ZNF185: variants seen among roughly 807,000 people sequenced by gnomAD.
ZNF185 encodes zinc finger protein 185.
In ZNF185, 56 loss-of-function variants were observed where a neutral mutation model predicts 58.6. That is an observed-to-expected ratio of 0.95 (90% CI 0.77 to 1.19). The LOEUF (loss-of-function observed/expected upper bound fraction) is 1.19. Among genes scored for constraint, ZNF185 ranks in the 50% most tolerant of loss-of-function variants. The pLI is 0.00. For missense variants in ZNF185, 627 were observed against 573.5 expected, an observed-to-expected ratio of 1.09 and a Z score of -0.95; for synonymous variants, 230 against 215.9, an observed-to-expected ratio of 1.07 and a Z score of -0.57.
chrX:152,914,383 TG>T, upstream of ZNF185: 1 of 746,918 alleles, frequency 1.3e-6, no homozygotes, highest in Non-Finnish European at 1.9e-6. Flanking sequence ...AGGACCCATA[TG>T]GTCACCTGCA....
chrX:152,935,527 C>T (rs372883731), intron 14 of ZNF185, among the ~76,000 whole-genome samples: 111 of 112,678 alleles, frequency 9.9e-4, no homozygotes, highest in African/African-American at 3.1e-3. Context: ...TGAGCCATCG[C>T]GTCCTGCCTT....
intron 14 of ZNF185, 59 bp from the exon 17 acceptor site, chrX:152,938,015 A>C: frequency 9.1e-7 from 1 of 1,098,174 alleles, no homozygotes; most frequent in South Asian, 2.0e-5. Flanking sequence ...GAGGGGGAAG[A>C]CCTGGGCCCC....
At chrX:152,959,672 C>G in intron 16 of ZNF185, 27 bp from the exon 19 acceptor site, 1 of 1,197,529 alleles carries the variant, frequency 8.4e-7, no homozygotes, top group Non-Finnish European at 1.1e-6. Context: ...AGGGCACTCA[C>G]TTCATAAGGG....
At chrX:152,911,704 T>TCCATC (rs60082394), upstream of ZNF185, among the ~76,000 whole-genome samples, 11 of 16,488 alleles carry the variant, frequency 6.7e-4, no homozygotes, top group East Asian at 1.9e-3. Context: ...TCCCATCCCA[T>TCCATC]CCATCCCATC....
In ZNF185 at chrX:152,914,725, C is replaced by T. The variant is rs1938024405; in HGVS notation, c.50C>T (p.Pro17Leu). The change falls in exon 2 of 23, where the codon CCA becomes CTA. Residue 17 changes from proline (P) to leucine (L), a missense_variant. Pro to Leu is a moderately conservative substitution (Grantham distance 98, BLOSUM62 -3). Coordinates refer to ENST00000449285, the Ensembl canonical transcript of ZNF185. ...CCCACCACAGGGAAGCCTCTGCCAC[C>T]AGGCGAGGAGGAGCGCAATAACGTT... The T allele has an allele frequency of 2.5e-6, 3 of 1,196,894 alleles. No individual in the cohort carries two copies. Among genetic ancestry groups the T allele is most frequent in the Admixed American group, 2.3e-5 (1 of 44,271 alleles).
At chrX:152,966,404 T>C (rs5924779) in intron 19 of ZNF185, among the ~76,000 whole-genome samples, 34,883 of 110,313 alleles carry the variant, frequency 0.32, 4,033 homozygotes, top group South Asian at 0.39. Flanking sequence ...GTCATCTCAC[T>C]GGAGGATTTT....
chrX:152,936,356 G>C (rs923272128), intron 14 of ZNF185, 62 bp from the exon 16 acceptor site: 1 of 1,003,285 alleles, frequency 1.0e-6, no homozygotes, highest in Non-Finnish European at 1.4e-6. Flanking sequence ...ACTTTCTCGG[G>C]AGAGGGTAGA....
At chrX:152,916,063 C>T (rs1344573321) in intron 3 of ZNF185, among the ~76,000 whole-genome samples, 1 of 112,010 alleles carries the variant, frequency 8.9e-6, no homozygotes, top group African/African-American at 3.2e-5. Context: ...AGACAAAGGC[C>T]CTGTCTTTGG....
intron 15 of ZNF185, among the ~76,000 whole-genome samples, chrX:152,939,474 A>C (rs1267805504): frequency 8.9e-6 from 1 of 112,023 alleles, no homozygotes; most frequent in Non-Finnish European, 1.9e-5. Context: ...CTCTAAGAAA[A>C]TCCTCAGGAG....
chrX:152,965,475 G>A lies in ZNF185; in HGVS notation c.1747G>A (p.Val583Met), dbSNP rs190679591. Residue 583 changes from valine (V) to methionine (M), a missense_variant, in exon 19 of 23, where the codon GTG becomes ATG. Val to Met is a conservative substitution (Grantham distance 21). Transcript: ENST00000449285. ...AGGGATTCTCTTCGTGAAGGAGTAC[G>A]TGAATGCTAGTGAAGTGTCTTCTGG... The A allele has an allele frequency of 1.6e-4, 187 of 1,185,298 alleles. No homozygotes were observed. The African/African-American group carries it at 3.0e-3, about 19-fold the overall frequency.
upstream of ZNF185, chrX:152,914,338 T>C: frequency 2.0e-6 from 1 of 504,567 alleles, no homozygotes; most frequent in East Asian, 3.8e-5. Context: ...CCACCCCCGA[T>C]GTGCAGAGGG....
exon 23 of ZNF185, chrX:152,971,466 G>A (rs1556919209): frequency 8.9e-6 from 1 of 111,957 alleles, no homozygotes; most frequent in African/African-American, 3.2e-5. Flanking sequence ...TATGATAATT[G>A]CTTGTGTGTG....
intron 15 of ZNF185, among the ~76,000 whole-genome samples, chrX:152,940,585 T>C (rs1603270556): frequency 1.8e-5 from 2 of 111,190 alleles, no homozygotes; most frequent in Middle Eastern, 9.1e-3. Flanking sequence ...CTTATATAGG[T>C]GAAGTCTCAT....
rs782361001 is a variant in ZNF185 at position 152,932,916 on chromosome X, A to C, written c.1066A>C (p.Thr356Pro). Residue 356 changes from threonine to proline, a missense_variant, in exon 14 of 23, where the codon ACG (threonine) becomes CCG (proline). Thr to Pro is a conservative substitution (Grantham distance 38, BLOSUM62 -1). Coordinates refer to ENST00000449285, the Ensembl canonical transcript of ZNF185. ...TGATGGCAATGTGGGATCCGGAGCC[A>C]CGGGCTCCCGGCCTGAAGGCTTGGC... The C allele has an allele frequency of 4.6e-5, 56 of 1,206,099 alleles. No homozygotes were observed. The highest frequency in any genetic ancestry group is 5.9e-5 in the Non-Finnish European group (53 of 892,340).
Position 152,960,481 on chromosome X carries a change from C to A in ZNF185, c.1607+585C>A, listed in dbSNP as rs180695446. 7.1e-5 allele frequency among the ~76,000 whole-genome samples: 8 copies of A among 112,221 alleles called. No homozygotes were observed. In the East Asian group the frequency reaches 2.0e-3, roughly 28 times the overall value. ...GAACAGCCAGGTACTAGGGAACAGA[C>A]AACACCAGATGCTTGTGCTTTTCTG... On this transcript the variant is annotated intron_variant, in intron 17 of 22. Coordinates refer to ENST00000449285, the Ensembl canonical transcript of ZNF185.
At chrX:152,938,904 TCTAAA>T (rs1300968151) in intron 15 of ZNF185, among the ~76,000 whole-genome samples, 1 of 83,451 alleles carries the variant, frequency 1.2e-5, no homozygotes, top group Non-Finnish European at 2.3e-5. Flanking sequence ...GGCGATCTCC[TCTAAA>T]GAGGAGAAGG....
intron 11 of ZNF185, among the ~76,000 whole-genome samples, chrX:152,925,883 C>T (rs1483941731): frequency 8.9e-6 from 1 of 112,642 alleles, no homozygotes; most frequent in South Asian, 3.6e-4. Context: ...ACCCCCTGCC[C>T]TGCCCTGTTT....
intron 12 of ZNF185, 57 bp from the exon 14 acceptor site, chrX:152,931,615 C>T: frequency 1.9e-6 from 2 of 1,049,393 alleles, no homozygotes; most frequent in Non-Finnish European, 2.6e-6. Context: ...AGGTAACAGC[C>T]CACACCTGAG....
chrX:152,904,996 G>A, the ZNF185 span, among the ~76,000 whole-genome samples: 1 of 112,607 alleles, frequency 8.9e-6, no homozygotes, highest in Non-Finnish European at 1.9e-5. Context: ...GGTCAGGGAG[G>A]GTGAGTGACG....
Sources: allele counts gnomAD v4.1 joint callset (sites outside exome capture counted in the v4.1 genomes callset), GRCh38; gene constraint gnomAD v4.1.1; transcripts MANE v1.5; gene names NCBI Gene and HGNC (gene_info 2026-07-23, HGNC 2026-07-21).